PPFIA2: variants seen among roughly 807,000 people sequenced by gnomAD.
PPFIA2 encodes PPFI scaffold protein A2.
PPFIA2 carries 46 observed loss-of-function variants against 175.5 expected under a neutral mutation model. That is an observed-to-expected ratio of 0.26 (90% confidence interval 0.21 to 0.34). PPFIA2 has a LOEUF of 0.34. Among genes scored for constraint, PPFIA2 ranks in the 10% least tolerant of loss-of-function variants. The pLI, the probability that PPFIA2 is intolerant of heterozygous loss-of-function variation, is 1.00. For missense variants in PPFIA2, 1,179 were observed against 1,506.1 expected (o/e 0.78, Z 3.60); for synonymous variants, 568 against 511.4 (o/e 1.11, Z -1.49).
intron 4 of PPFIA2, among the ~76,000 whole-genome samples, chr12:81,644,123 T>C (rs1296047579): frequency 6.6e-6 from 1 of 152,026 alleles, no homozygotes; most frequent in Admixed American, 6.6e-5. Flanking sequence ...AAAGATTCTA[T>C]AAAAATAATC....
At chr12:81,455,717 G>T (rs2053458271) in intron 5 of PPFIA2, among the ~76,000 whole-genome samples, 1 of 152,158 alleles carries the variant, frequency 6.6e-6, no homozygotes, top group Non-Finnish European at 1.5e-5. Flanking sequence ...GTGGTGGTCT[G>T]ACTGTTAAGC....
chr12:81,468,169 A>C (rs565498848), intron 4 of PPFIA2, among the ~76,000 whole-genome samples: 3 of 152,174 alleles, frequency 2.0e-5, no homozygotes, highest in Non-Finnish European at 4.4e-5. Context: ...TCAGGAAGCA[A>C]TTCTAACAGA....
chr12:81,455,850 T>C (rs926758635), intron 5 of PPFIA2, among the ~76,000 whole-genome samples: 2 of 152,198 alleles, frequency 1.3e-5, no homozygotes, highest in Admixed American at 6.5e-5. Context: ...TTACTAACTG[T>C]GTGACTTCTG....
chr12:81,694,692 A>G (rs1319418743), intron 3 of PPFIA2, among the ~76,000 whole-genome samples: 1 of 152,168 alleles, frequency 6.6e-6, no homozygotes, highest in East Asian at 1.9e-4. Context: ...AGGGCACTGC[A>G]TAGTGAAGCT....
chr12:81,502,680 G>T (rs533062871), intron 4 of PPFIA2, among the ~76,000 whole-genome samples: 2 of 152,084 alleles, frequency 1.3e-5, no homozygotes, highest in South Asian at 4.1e-4. Context: ...AAGGTGATGG[G>T]GTTTAGACTG....
At chr12:81,415,809 AT>A (rs1656602743) in intron 7 of PPFIA2, among the ~76,000 whole-genome samples, 2 of 151,338 alleles carry the variant, frequency 1.3e-5, no homozygotes, top group Non-Finnish European at 3.0e-5. Context: ...AACAATAGTA[AT>A]TTTGACAATA....
chr12:81,722,524 T>C (rs2079492223), intron 3 of PPFIA2, among the ~76,000 whole-genome samples: 1 of 151,118 alleles, frequency 6.6e-6, no homozygotes, highest in South Asian at 2.1e-4. Flanking sequence ...AAGTAATTTC[T>C]CCTTAATCAA....
intron 7 of PPFIA2, among the ~76,000 whole-genome samples, chr12:81,437,451 G>A (rs1449289078): frequency 2.6e-5 from 4 of 151,962 alleles, no homozygotes; most frequent in African/African-American, 4.8e-5. Context: ...GGATGGTCTC[G>A]CTTGATCTGC....
chr12:81,494,115 T>C (rs1452429761), intron 4 of PPFIA2, among the ~76,000 whole-genome samples: 10 of 148,032 alleles, frequency 6.8e-5, no homozygotes, highest in Non-Finnish European at 1.1e-4. Context: ...AACTAAAGAG[T>C]TTCTGCACAG....
chr12:81,347,331 C>G (rs2059247493), intron 18 of PPFIA2, among the ~76,000 whole-genome samples: 1 of 152,134 alleles, frequency 6.6e-6, no homozygotes, highest in Non-Finnish European at 1.5e-5. Context: ...AAAGTTACAG[C>G]ACCTGTGTGG....
chr12:81,727,292 C>G (rs891366765), intron 3 of PPFIA2, among the ~76,000 whole-genome samples: 1 of 151,304 alleles, frequency 6.6e-6, no homozygotes, highest in African/African-American at 2.4e-5. Flanking sequence ...GAAATAAATT[C>G]TTTTCAATTG....
In PPFIA2 at chr12:81,281,451, CTA is replaced by C; in HGVS notation, c.3019-3_3019-2del. ...CCAGGGTCTGTAGAAAAACCGGACA[CTA>C]GAATTGTTTTATAGCAGTCAAGTTT... On this transcript the variant is annotated splice_acceptor_variant and splice_polypyrimidine_tract_variant and intron_variant, in intron 26 of 32. Transcript: ENST00000549396. LOFTEE classifies it high-confidence loss of function. 6.3e-7 allele frequency: 1 copy of C among 1,592,792 alleles called. No homozygotes were observed. Among genetic ancestry groups the C allele is most frequent in the Non-Finnish European group, 8.6e-7 (1 of 1,165,678 alleles).
At chr12:81,533,868 C>T (rs186751007) in intron 4 of PPFIA2, among the ~76,000 whole-genome samples, 1 of 151,138 alleles carries the variant, frequency 6.6e-6, no homozygotes, top group East Asian at 2.0e-4. Context: ...AGTAAATTTG[C>T]ACAATAATAT....
At chr12:81,407,144 A>G (rs1466626806) in intron 7 of PPFIA2, among the ~76,000 whole-genome samples, 1 of 152,174 alleles carries the variant, frequency 6.6e-6, no homozygotes, top group Admixed American at 6.5e-5. Context: ...AGCCAGGTAC[A>G]TCTTTCAAAC....
intron 4 of PPFIA2, among the ~76,000 whole-genome samples, chr12:81,459,737 C>T (rs2054198132): frequency 6.6e-6 from 1 of 152,064 alleles, no homozygotes; most frequent in South Asian, 2.1e-4. Flanking sequence ...TATCATGGCA[C>T]TGATTCTGAG....
At chr12:81,272,588 T>C (rs1319751771) in intron 28 of PPFIA2, among the ~76,000 whole-genome samples, 1 of 152,180 alleles carries the variant, frequency 6.6e-6, no homozygotes, top group African/African-American at 2.4e-5. Context: ...ATTCCTTACA[T>C]ATTTTTTAAT....
At chr12:81,369,512 G>A in intron 11 of PPFIA2, 1 of 913,276 alleles carries the variant, frequency 1.1e-6, no homozygotes, top group Non-Finnish European at 1.4e-6. Context: ...GCACTGAACT[G>A]CACAGATGGT....
intron 8 of PPFIA2, among the ~76,000 whole-genome samples, chr12:81,385,532 A>C (rs2038734669): frequency 6.6e-6 from 1 of 150,508 alleles, no homozygotes; most frequent in South Asian, 2.1e-4. Context: ...AGTTTCTAAG[A>C]AGAAGGAAAT....
intron 4 of PPFIA2, among the ~76,000 whole-genome samples, chr12:81,574,051 G>A (rs187967249): frequency 2.0e-5 from 3 of 151,780 alleles, no homozygotes; most frequent in Non-Finnish European, 4.4e-5. Flanking sequence ...TAGACAGATG[G>A]TACTCAATTA....
Sources: gnomAD v4.1 joint callset for allele counts (sites outside exome capture counted in the v4.1 genomes callset) on GRCh38, gnomAD v4.1.1 for gene constraint, MANE v1.5 for transcripts, NCBI Gene and HGNC (gene_info 2026-07-23, HGNC 2026-07-21) for gene names.